TWNK: variants seen among roughly 807,000 people sequenced by gnomAD.
The protein encoded by TWNK is T7 gp4-like protein with intramitochondrial nucleoid localization.
TWNK carries 36 observed loss-of-function variants against 58.2 expected under a neutral mutation model. The ratio of observed to expected loss-of-function variants is 0.62; its 90% CI spans 0.47 to 0.82. TWNK has a LOEUF of 0.82. Among genes scored for constraint, TWNK ranks in the 40% least tolerant of loss-of-function variants. The pLI, the probability that TWNK is intolerant of heterozygous loss-of-function variation, is 0.00. For missense variants in TWNK, 714 were observed against 881.0 expected, an observed-to-expected ratio of 0.81 and a Z score of 2.40; for synonymous variants, 349 against 348.5, an observed-to-expected ratio of 1.00 and a Z score of -0.02.
Position 100,988,182 on chromosome 10 carries a change from A to C in TWNK, c.-29A>C. On this transcript the variant is annotated 5_prime_UTR_variant, in exon 1 of 5. Transcript: ENST00000311916. This position sits in a 1 kb window ranked among gnomAD's most constrained non-coding sequence, Gnocchi z 5.2. Reference sequence around the variant, plus strand: ...GCTAACCAGGCACCTAAGGCATTTCAAGTAGTGACTTCCCACATTTGGCTA... The same window carrying C: ...GCTAACCAGGCACCTAAGGCATTTCCAGTAGTGACTTCCCACATTTGGCTA... 2 of 1,613,352 alleles carry C rather than the reference A, an allele frequency of 1.2e-6. No individual in the cohort carries two copies. Among genetic ancestry groups the C allele is most frequent in the African/African-American group, 1.3e-5 (1 of 75,024 alleles).
In TWNK at chr10:100,988,249, C is replaced by G; in HGVS notation, c.39C>G (p.Ile13Met). ...TCCGAAGTGGGTACCCCCTCCGTAT[C>G]TTGTTACCCCTGCGTGGGGAGTGGA... is the stretch of plus-strand genomic sequence containing the variant. Reference protein sequence around the residue: ...VLLRSGYPLRILLPLRGEWMG... With the variant: ...VLLRSGYPLRMLLPLRGEWMG... The change falls in exon 1 of 5, where the codon ATC becomes ATG. Residue 13 changes from isoleucine to methionine, a missense_variant. By Grantham distance (10) the Ile-to-Met change is conservative (BLOSUM62 1). Transcript: ENST00000311916. This position sits in a 1 kb window ranked among gnomAD's most constrained non-coding sequence, Gnocchi z 5.2. 2 of 1,614,182 alleles carry G rather than the reference C, an allele frequency of 1.2e-6. No individual in the cohort carries two copies. Among genetic ancestry groups the G allele is most frequent in the Non-Finnish European group, 1.7e-6 (2 of 1,180,038 alleles).
chr10:100,990,601 T>G, intron 3 of TWNK, 58 bp downstream of exon 3: 1 of 1,612,644 alleles, frequency 6.2e-7, no homozygotes, highest in Non-Finnish European at 8.5e-7. Context: ...CAACACACAC[T>G]TCTCAGGCAG....
In TWNK at chr10:100,988,394, C is replaced by T. The variant is rs1364867099; in HGVS notation, c.184C>T (p.Gln62Ter). Residue 62 changes from glutamine (Q) to a stop codon, truncating the protein, a stop_gained, in exon 1 of 5, where the codon CAG becomes TAG. Coordinates refer to ENST00000311916, the MANE Select transcript of TWNK (RefSeq NM_021830.5). LOFTEE classifies it high-confidence loss of function. The surrounding 1 kb of genome is among the most constrained non-coding windows in gnomAD (Gnocchi z 5.2). ...VLPVTATEIR[Q>*]YLRGHGIPFQ... ...GCCTGTAACTGCAACTGAAATCCGC[C>T]AGTATTTGCGGGGGCATGGGATCCC... 1 of 1,614,150 alleles carries T rather than the reference C, an allele frequency of 6.2e-7. No homozygotes were observed. Among genetic ancestry groups the T allele is most frequent in the Non-Finnish European group, 8.5e-7 (1 of 1,180,054 alleles).
rs1851852441 is a variant in TWNK, at chr10:100,993,849, G to A, written c.*339G>A. 5 of 355,604 alleles carry A rather than the reference G, an allele frequency of 1.4e-5. No homozygotes were observed. The highest frequency in any genetic ancestry group is 2.6e-5 in the Non-Finnish European group (5 of 188,834). The allele number at this position is 355,604 out of a possible 1,614,324, so 22.0% of individuals were successfully genotyped here. On this transcript the variant is annotated 3_prime_UTR_variant, in exon 5 of 5. Coordinates refer to ENST00000311916, the MANE Select transcript of TWNK (RefSeq NM_021830.5). ...AAAATGCTGTAAAGAAAATAGAAAT[G>A]CGATAGAGTGCTGGCAGGCTAGTGT...
Position 100,989,965 on chromosome 10 carries a change from C to T in TWNK, c.1484+81C>T, listed in dbSNP as rs1851724895. On this transcript the variant is annotated intron_variant, in intron 2 of 4. Transcript: ENST00000311916. This position sits in a 1 kb window ranked among gnomAD's most constrained non-coding sequence, Gnocchi z 7.6. ...GAACCTTTGGTTCCTTTTCCAGCTC[C>T]AGTAGGAACTCCCCCATCTCCTTAG... is the stretch of plus-strand genomic sequence containing the variant. 1.9e-6 allele frequency: 3 copies of T among 1,553,224 alleles called. No homozygotes were observed. The highest frequency in any genetic ancestry group is 1.7e-5 in the Admixed American group (1 of 59,918).
Position 100,987,755 on chromosome 10 carries a change from C to A in TWNK, c.-456C>A. ...TGGGTGCTCTCGCCGTGTTGAGGTC[C>A]CAGTGAGGGGAAGGAGAAGCGGAAG... On this transcript the variant is annotated 5_prime_UTR_variant, in exon 1 of 5. Transcript: ENST00000311916. The A allele has an allele frequency of 1.7e-6, 1 of 581,330 alleles. No individual in the cohort carries two copies. The allele number at this position is 581,330 out of a possible 1,614,324, so 36.0% of individuals were successfully genotyped here. A position where few individuals can be genotyped will look rare whatever the true frequency, so the allele number is the denominator to read the frequency against.
At chr10:100,993,153 T>TA (rs1213136037) in intron 4 of TWNK, 37 bp from the exon 5 acceptor site, 1 of 1,609,098 alleles carries the variant, frequency 6.2e-7, no homozygotes, top group South Asian at 1.1e-5. Context: ...CATGTCCTCT[T>TA]ACTCCTGCTT....
rs185618228 is a variant in TWNK, at chr10:100,991,080, A to G, written c.1734+70A>G. On this transcript the variant is annotated intron_variant, in intron 4 of 4. Coordinates refer to ENST00000311916, the MANE Select transcript of TWNK (RefSeq NM_021830.5). ...GTAGGTGTGACCAGGGACAGCCCTCATTCAGCCTTAATCGTCTTGACTGTC... is the reference window on the plus strand; with the variant it reads ...GTAGGTGTGACCAGGGACAGCCCTCGTTCAGCCTTAATCGTCTTGACTGTC... The G allele has an allele frequency of 1.2e-4, 191 of 1,607,610 alleles. 2 individuals are homozygous for G. In the East Asian group the frequency reaches 3.3e-3, roughly 27 times the overall value.
Position 100,987,881 on chromosome 10 carries a change from GTGAGAAGATGA to G in TWNK, c.-327_-317del. Reference sequence around the variant, plus strand: ...GAGATGCTGTGGAGGAGCAGTAGAGGTGAGAAGATGATGCAAAGAAACTGTGTCAGTGAGGA... The same window carrying G: ...GAGATGCTGTGGAGGAGCAGTAGAGGTGCAAAGAAACTGTGTCAGTGAGGA... On this transcript the variant is annotated 5_prime_UTR_variant, in exon 1 of 5. The change abolishes an upstream ATG in the 5' untranslated region. Transcript: ENST00000311916. The G allele has an allele frequency of 1.7e-6, 1 of 600,296 alleles. No individual in the cohort carries two copies. The highest frequency in any genetic ancestry group is 3.0e-6 in the Non-Finnish European group (1 of 338,864). The allele number at this position is 600,296 out of a possible 1,614,324, so 37.2% of individuals were successfully genotyped here. A position where few individuals can be genotyped will look rare whatever the true frequency, so the allele number is the denominator to read the frequency against.
At chr10:100,993,021 C>T (rs1851824927) in intron 4 of TWNK, among the ~76,000 whole-genome samples, 169 bp from the exon 5 acceptor site, 2 of 152,166 alleles carry the variant, frequency 1.3e-5, no homozygotes, top group South Asian at 2.1e-4. Context: ...TTCCTGACAT[C>T]GTGATCCACT....
At chr10:100,990,713 AG>A in intron 3 of TWNK, 155 bp from the exon 4 acceptor site, 1 of 1,583,332 alleles carries the variant, frequency 6.3e-7, no homozygotes, top group Non-Finnish European at 8.7e-7. Flanking sequence ...GTATGGCAGC[AG>A]GATGTATGGA....
Position 100,988,239 on chromosome 10 carries a change from C to T in TWNK, c.29C>T (p.Pro10Leu). 3.1e-6 allele frequency: 5 copies of T among 1,614,182 alleles called. No individual in the cohort carries two copies. The highest frequency in any genetic ancestry group is 3.4e-6 in the Non-Finnish European group (4 of 1,180,048). The change falls in exon 1 of 5, where the codon CCC (proline) becomes CTC (leucine). Residue 10 changes from proline (P) to leucine (L), a missense_variant. This residue lies in a region of TWNK where 348 missense variants were observed against 388.4 expected (regional missense o/e 0.90). Coordinates refer to ENST00000311916, the MANE Select transcript of TWNK (RefSeq NM_021830.5). This position sits in a 1 kb window ranked among gnomAD's most constrained non-coding sequence, Gnocchi z 5.2. The stretch of plus-strand genomic sequence containing the variant: ...TGGGTCCTCCTCCGAAGTGGGTACC[C>T]CCTCCGTATCTTGTTACCCCTGCGT... MWVLLRSGY[P>L]LRILLPLRGE...
Position 100,990,469 on chromosome 10 carries a change from C to G in TWNK, c.1518C>G (p.Tyr506Ter). 6.2e-7 allele frequency: 1 copy of G among 1,614,094 alleles called. No homozygotes were observed. The highest frequency in any genetic ancestry group is 8.5e-7 in the Non-Finnish European group (1 of 1,179,932). Residue 506 changes from tyrosine to a stop codon, truncating the protein, a stop_gained, in exon 3 of 5, where the codon TAC (tyrosine) becomes TAG (stop). Transcript: ENST00000311916. LOFTEE classifies it high-confidence loss of function. ...TVIDTMQHAV[Y>*]VYDICHVIID... ...TAGATACAATGCAACATGCAGTCTA[C>G]GTCTATGACATTTGTCATGTGATCA...
In TWNK at chr10:100,987,600, G is replaced by C; in HGVS notation, c.-611G>C. 1 of 1,178,968 alleles carries C rather than the reference G, an allele frequency of 8.5e-7. No homozygotes were observed. Among genetic ancestry groups the C allele is most frequent in the Non-Finnish European group, 1.2e-6 (1 of 863,168 alleles). 73.0% of individuals were successfully genotyped at this position (1,178,968 alleles called of 1,614,324 possible). ...GAGACTCACGTTGCCGGCGAAGTGGGAGAGAGAAAAGTGGTAACCTGGGGC... is the reference window on the plus strand; with the variant it reads ...GAGACTCACGTTGCCGGCGAAGTGGCAGAGAGAAAAGTGGTAACCTGGGGC... On this transcript the variant is annotated 5_prime_UTR_variant, in exon 1 of 5. Transcript: ENST00000311916.
In TWNK at chr10:100,993,251, G is replaced by A; in HGVS notation, c.1796G>A (p.Gly599Glu). Reference sequence around the variant, plus strand: ...GACAGGAAGCTGGTAACCGGGCCAGGGAAACGGTATCTGCAGGTGTCCAAG... The same window carrying A: ...GACAGGAAGCTGGTAACCGGGCCAGAGAAACGGTATCTGCAGGTGTCCAAG... ...LQDRKLVTGPGKRYLQVSKNR... is the reference protein window; with the variant it reads ...LQDRKLVTGPEKRYLQVSKNR... The change falls in exon 5 of 5, where the codon GGG (glycine) becomes GAG (glutamate). Residue 599 changes from glycine (G) to glutamate (E), a missense_variant. By Grantham distance (98) the Gly-to-Glu change is moderately conservative. Transcript: ENST00000311916. 1 of 1,614,220 alleles carries A rather than the reference G, an allele frequency of 6.2e-7. No individual in the cohort carries two copies. Among genetic ancestry groups the A allele is most frequent in the East Asian group, 2.2e-5 (1 of 44,884 alleles).
chr10:100,990,391 G>A, intron 2 of TWNK, 45 bp from the exon 3 acceptor site: 5 of 1,383,230 alleles, frequency 3.6e-6, no homozygotes, highest in Non-Finnish European at 5.2e-6. Flanking sequence ...TGCCTGGGGT[G>A]GTCTAGAGAC....
rs550031928 is a variant in TWNK, at chr10:100,991,738, C to T, written c.1734+728C>T. Among the ~76,000 whole-genome samples the T allele has an allele frequency of 8.6e-5, 13 of 151,746 alleles. No homozygotes were observed. In the East Asian group the frequency reaches 1.6e-3, roughly 18 times the overall value. On this transcript the variant is annotated intron_variant, in intron 4 of 4. Coordinates refer to ENST00000311916, the MANE Select transcript of TWNK (RefSeq NM_021830.5). ...CAAAAATATTTGAAAATTGGCCAGG[C>T]GTGGTGGCTCACGCTTATAATCCCA...
At chr10:100,991,329 C>G (rs1036328461) in intron 4 of TWNK, 1 of 408,942 alleles carries the variant, frequency 2.4e-6, no homozygotes, top group African/African-American at 2.0e-5. Context: ...CTGAGTCAGC[C>G]CGGGACATCT....
rs752699549 is a variant in TWNK at position 100,988,563 on chromosome 10, C to A, written c.353C>A (p.Ala118Glu). 10 of 1,613,926 alleles carry A rather than the reference C, an allele frequency of 6.2e-6. No individual in the cohort carries two copies. In the South Asian group the frequency reaches 1.1e-4, roughly 18 times the overall value. ...TGHFLCMTSL[A>E]EGSWEDFQAS... ...CACTTTCTCTGCATGACCAGCCTAG[C>A]AGAAGGGAGCTGGGAAGACTTCCAG... is the stretch of plus-strand genomic sequence containing the variant. The change falls in exon 1 of 5, where the codon GCA becomes GAA. Residue 118 changes from alanine (A) to glutamate (E), a missense_variant. Around this residue, in one of 3 missense-constraint regions of TWNK, gnomAD observed 348 missense variants for 388.4 expected, o/e 0.90. Transcript: ENST00000311916. The surrounding 1 kb of genome is among the most constrained non-coding windows in gnomAD (Gnocchi z 5.2).
Sources: allele counts gnomAD v4.1 joint callset (sites outside exome capture counted in the v4.1 genomes callset), GRCh38; gene constraint gnomAD v4.1.1; regional missense constraint gnomAD v4.1.1; non-coding constraint Gnocchi (gnomAD v3.1); transcripts MANE v1.5; gene names NCBI Gene and HGNC (gene_info 2026-07-23, HGNC 2026-07-21).